Variants in GSAP observed in about 807,000 individuals in gnomAD.
GSAP encodes the protein gamma-secretase-activating protein.
GSAP carries 118 observed loss-of-function variants against 131.7 expected under a neutral mutation model. That is an observed-to-expected ratio of 0.90 (90% CI 0.77 to 1.04). The LOEUF (loss-of-function observed/expected upper bound fraction) is 1.04. Among genes scored for constraint, GSAP ranks in the 50% least tolerant of loss-of-function variants. GSAP has a pLI of 0.00. For synonymous variants in GSAP, 381 were observed against 363.4 expected, an observed-to-expected ratio of 1.05 and a Z score of -0.55; for missense variants, 1,019 against 1,013.2, an observed-to-expected ratio of 1.01 and a Z score of -0.08.
At chr7:77,334,522 G>C (rs1385788621) in intron 19 of GSAP, among the ~76,000 whole-genome samples, 1 of 142,112 alleles carries the variant, frequency 7.0e-6, no homozygotes, top group Non-Finnish European at 1.5e-5. Flanking sequence ...ACCATGGCAT[G>C]CGTTTACCTA....
chr7:77,402,616 A>AAAAAAAT (rs375595494), intron 3 of GSAP, among the ~76,000 whole-genome samples: 1,302 of 80,432 alleles, frequency 0.016, 235 homozygotes, highest in Non-Finnish European at 0.029. Flanking sequence ...AAAAAAAAAA[A>AAAAAAAT]GAATTTTAAA....
intron 14 of GSAP, among the ~76,000 whole-genome samples, 159 bp from the exon 15 acceptor site, chr7:77,355,806 T>TTTTTTTTTTTG (rs1491301610): frequency 6.2e-5 from 8 of 129,602 alleles, no homozygotes; most frequent in Admixed American, 3.3e-4. Flanking sequence ...TTTTTTTTTT[T>TTTTTTTTTTTG]AAGACAGGGT....
At chr7:77,377,617 A>T (rs1797148286) in intron 8 of GSAP, among the ~76,000 whole-genome samples, 1 of 152,178 alleles carries the variant, frequency 6.6e-6, no homozygotes, top group South Asian at 2.1e-4. Flanking sequence ...ATATGATTTT[A>T]TTCCTGCTCT....
In GSAP at chr7:77,330,253, G is replaced by T; in HGVS notation, c.1660C>A (p.Leu554Met). The T allele has an allele frequency of 6.2e-7, 1 of 1,612,638 alleles. No individual in the cohort carries two copies. Among genetic ancestry groups the T allele is most frequent in the Non-Finnish European group, 8.5e-7 (1 of 1,179,240 alleles). The change falls in exon 20 of 31, where the codon CTG becomes ATG. Residue 554 changes from leucine (L) to methionine (M), a missense_variant. Transcript: ENST00000257626. Reference protein sequence around the residue: ...NSVVRREWHNLISEEKTGKRR... With the variant: ...NSVVRREWHNMISEEKTGKRR... ...CCCACTCATACCTCTTCAGAGATCA[G>T]GTTGTGCCACTCTCTCCTGACCACA...
Position 77,328,606 on chromosome 7 carries a change from C to A in GSAP, c.1765G>T (p.Gly589Trp), listed in dbSNP as rs1227379620. The A allele has an allele frequency of 6.2e-7, 1 of 1,611,296 alleles. No individual in the cohort carries two copies. The change falls in exon 22 of 31, where the codon GGG becomes TGG. Residue 589 changes from glycine to tryptophan, a missense_variant and splice_region_variant. Transcript: ENST00000257626. ...VISNLEARNL[G>W]PRLTPLLQEE... ...GGCTTTATTACAGATCTTTTCTTAC[C>A]CAAATTTCTTGCTTCTAGGTTAGAA...
chr7:77,361,665 T>C (rs115637147), intron 13 of GSAP, among the ~76,000 whole-genome samples: 127 of 152,274 alleles, frequency 8.3e-4, no homozygotes, highest in African/African-American at 2.8e-3. Context: ...TTTAAAAAAA[T>C]TTAAATACAC....
intron 12 of GSAP, among the ~76,000 whole-genome samples, chr7:77,371,944 A>G (rs1796179113): frequency 6.6e-6 from 1 of 152,260 alleles, no homozygotes; most frequent in South Asian, 2.1e-4. Flanking sequence ...CATAAGGGAG[A>G]CATACAGTAG....
chr7:77,349,782 C>G (rs1252965713), intron 18 of GSAP, among the ~76,000 whole-genome samples: 1 of 152,174 alleles, frequency 6.6e-6, no homozygotes, highest in Non-Finnish European at 1.5e-5. Context: ...ACTCCTTCCT[C>G]TCTCTTCTTT....
At chr7:77,359,490 T>C (rs936905035) in intron 14 of GSAP, among the ~76,000 whole-genome samples, 1 of 152,176 alleles carries the variant, frequency 6.6e-6, no homozygotes, top group Non-Finnish European at 1.5e-5. Context: ...TTAATCAATA[T>C]AAGCCCATTT....
At chr7:77,391,779 G>A (rs1799589176) in intron 5 of GSAP, among the ~76,000 whole-genome samples, 1 of 152,168 alleles carries the variant, frequency 6.6e-6, no homozygotes, top group Non-Finnish European at 1.5e-5. Flanking sequence ...AGGCTATAGT[G>A]AGCCATAAGA....
chr7:77,376,954 A>T, intron 9 of GSAP, 47 bp from the exon 10 acceptor site: 1 of 1,064,284 alleles, frequency 9.4e-7, no homozygotes. Context: ...GGAAAAAAAG[A>T]AAAGGAAGCA....
intron 5 of GSAP, among the ~76,000 whole-genome samples, chr7:77,395,643 C>A (rs1800251063): frequency 6.6e-6 from 1 of 151,968 alleles, no homozygotes; most frequent in Admixed American, 6.6e-5. Flanking sequence ...AGCCTCCTGC[C>A]CACCAAATCT....
At chr7:77,361,164 G>C (rs997445032) in intron 13 of GSAP, among the ~76,000 whole-genome samples, 7 of 152,174 alleles carry the variant, frequency 4.6e-5, no homozygotes, top group African/African-American at 1.4e-4. Flanking sequence ...AGGGAGGAGA[G>C]GATCTGAAGG....
At chr7:77,377,194 G>T in intron 9 of GSAP, 92 bp downstream of exon 9, 2 of 1,207,998 alleles carry the variant, frequency 1.7e-6, no homozygotes, top group Non-Finnish European at 2.1e-6. Flanking sequence ...TCCAGCCTCA[G>T]CAAGAGAGCA....
intron 2 of GSAP, among the ~76,000 whole-genome samples, chr7:77,405,792 GC>G (rs1583918198): frequency 1.3e-5 from 2 of 152,304 alleles, no homozygotes; most frequent in East Asian, 3.9e-4. Context: ...GCCCGTTGCA[GC>G]CTTCCAAAGT....
At chr7:77,407,207 C>T (rs1274636688) in intron 1 of GSAP, among the ~76,000 whole-genome samples, 2 of 152,108 alleles carry the variant, frequency 1.3e-5, no homozygotes, top group African/African-American at 4.8e-5. Context: ...GATTAGCAAC[C>T]CTTTATTCAT....
intron 26 of GSAP, among the ~76,000 whole-genome samples, chr7:77,317,748 T>A (rs1787054987): frequency 6.6e-6 from 1 of 152,236 alleles, no homozygotes. Flanking sequence ...TGAATATCTG[T>A]AATGAACAAA....
intron 19 of GSAP, among the ~76,000 whole-genome samples, chr7:77,339,010 G>A (rs889563123): frequency 1.3e-5 from 2 of 152,046 alleles, no homozygotes; most frequent in African/African-American, 4.8e-5. Flanking sequence ...GAGTAAATAG[G>A]GGTACCTTGG....
chr7:77,341,551 G>C (rs993547247), intron 19 of GSAP, among the ~76,000 whole-genome samples: 2 of 151,968 alleles, frequency 1.3e-5, no homozygotes, highest in Non-Finnish European at 2.9e-5. Flanking sequence ...TTCTTTATCC[G>C]ACCTCTCCCA....
Sources: gnomAD v4.1 joint callset for allele counts (sites outside exome capture counted in the v4.1 genomes callset) on GRCh38, gnomAD v4.1.1 for gene constraint, MANE v1.5 for transcripts, NCBI Gene and HGNC (gene_info 2026-07-23, HGNC 2026-07-21) for gene names.